SRRM4: variants seen among roughly 807,000 people sequenced by gnomAD.
SRRM4 encodes serine/arginine repetitive matrix 4.
A neutral mutation model predicts 68.9 loss-of-function variants in SRRM4; 33 were observed. The ratio of observed to expected loss-of-function variants is 0.48; its 90% CI spans 0.36 to 0.64. The LOEUF is 0.64. Among genes scored for constraint, SRRM4 ranks in the 30% least tolerant of loss-of-function variants. SRRM4 has a pLI of 0.00. For synonymous variants in SRRM4, 318 were observed against 318.8 expected, an observed-to-expected ratio of 1.00 and a Z score of 0.03; for missense variants, 817 against 827.1, an observed-to-expected ratio of 0.99 and a Z score of 0.15.
At chr12:119,030,346 C>G (rs1953580582) in intron 1 of SRRM4, among the ~76,000 whole-genome samples, 1 of 152,120 alleles carries the variant, frequency 6.6e-6, no homozygotes, top group Non-Finnish European at 1.5e-5. Flanking sequence ...TCACAGGGCA[C>G]CTCTAAACAC....
intron 1 of SRRM4, among the ~76,000 whole-genome samples, chr12:119,011,278 A>G (rs1953447389): frequency 1.3e-5 from 2 of 152,250 alleles, no homozygotes; most frequent in African/African-American, 2.4e-5. Flanking sequence ...TTAGATTTCT[A>G]TAGTCAGGTT....
intron 1 of SRRM4, among the ~76,000 whole-genome samples, chr12:119,078,307 G>A: frequency 6.6e-6 from 1 of 152,196 alleles, no homozygotes; most frequent in East Asian, 1.9e-4. Context: ...ATGGGGCAGA[G>A]ATACCACCTT....
chr12:119,013,634 G>T, intron 1 of SRRM4, among the ~76,000 whole-genome samples: 1 of 151,804 alleles, frequency 6.6e-6, no homozygotes, highest in East Asian at 1.9e-4. Context: ...TTGTATTTTG[G>T]ATTTTTAAAA....
At chr12:119,106,718 A>G (rs138930625) in intron 2 of SRRM4, among the ~76,000 whole-genome samples, 1 of 152,166 alleles carries the variant, frequency 6.6e-6, no homozygotes, top group Admixed American at 6.5e-5. Context: ...AGCTGAGACA[A>G]TGGGGTTTTA....
rs1039278907 is a variant in SRRM4, at chr12:119,130,577, C to G, written c.615-101C>G. The G allele has an allele frequency of 4.1e-6, 5 of 1,220,088 alleles. No individual in the cohort carries two copies. The African/African-American group carries it at 7.6e-5, about 19-fold the overall frequency. The allele number at this position is 1,220,088 out of a possible 1,614,324, so 75.6% of individuals were successfully genotyped here. On this transcript the variant is annotated intron_variant, in intron 7 of 12. Transcript: ENST00000267260. ...CACATATGAACATATACAAACACCC[C>G]CAAACACACTTTATCATCCTCAGAT...
intron 9 of SRRM4, 24 bp downstream of exon 9, chr12:119,145,709 G>T (rs776963073): frequency 2.0e-6 from 3 of 1,476,396 alleles, no homozygotes; most frequent in Non-Finnish European, 1.8e-6. Context: ...ACAGGGTCGG[G>T]GGTAGACGGT....
intron 1 of SRRM4, among the ~76,000 whole-genome samples, chr12:119,026,958 T>G (rs1349879557): frequency 6.6e-6 from 1 of 152,158 alleles, no homozygotes; most frequent in African/African-American, 2.4e-5. Flanking sequence ...CTGCAAATGT[T>G]TTAGGAATGG....
chr12:119,050,252 T>C (rs900651441), intron 1 of SRRM4, among the ~76,000 whole-genome samples: 1 of 152,230 alleles, frequency 6.6e-6, no homozygotes, highest in African/African-American at 2.4e-5. Flanking sequence ...AGGCATAACA[T>C]GGTTTTCAAC....
Position 119,130,792 on chromosome 12 carries a change from T to C in SRRM4, c.729T>C (p.Ser243=). The C allele has an allele frequency of 6.2e-7, 1 of 1,608,494 alleles. No individual in the cohort carries two copies. Among genetic ancestry groups the C allele is most frequent in the Non-Finnish European group, 8.5e-7 (1 of 1,179,768 alleles). Residue 243 remains serine, a synonymous_variant, in exon 8 of 13, where the codon AGT becomes AGC. Coordinates refer to ENST00000267260, the MANE Select transcript of SRRM4 (RefSeq NM_194286.4). ...AGGCCCAGTCCAGTCGCCCGCCCAG[T>C]CAACCCCTCCAGATGCTTGGCTACC... is the stretch of plus-strand genomic sequence containing the variant. The part of the protein sequence containing the change: ...SPEAQSSRPP[S]QPLQMLGYLS...
chr12:119,032,263 T>A lies in SRRM4; in HGVS notation c.131+50250T>A, dbSNP rs12821057. Among the ~76,000 whole-genome samples the A allele has an allele frequency of 2.3e-3, 354 of 152,302 alleles. 1 individual carries two copies. Among genetic ancestry groups the A allele is most frequent in the Non-Finnish European group, 3.6e-3 (248 of 68,014 alleles). ...ATGGTGTGTGGAAATACCAATCCTG[T>A]TATTTCAGTTTTCTGCATTAATTAG... On this transcript the variant is annotated intron_variant, in intron 1 of 12. Coordinates refer to ENST00000267260, the MANE Select transcript of SRRM4 (RefSeq NM_194286.4).
chr12:119,081,604 A>T (rs1211671196), intron 1 of SRRM4, among the ~76,000 whole-genome samples: 1 of 152,202 alleles, frequency 6.6e-6, no homozygotes, highest in African/African-American at 2.4e-5. Context: ...CTTTGACTGG[A>T]GCAGCACCAT....
At chr12:119,025,107 G>A (rs1333148155) in intron 1 of SRRM4, among the ~76,000 whole-genome samples, 1 of 152,172 alleles carries the variant, frequency 6.6e-6, no homozygotes, top group African/African-American at 2.4e-5. Context: ...ACCCTGGTGG[G>A]TGTGCATTAG....
At chr12:119,151,984 G>C (rs1954442261) in intron 10 of SRRM4, among the ~76,000 whole-genome samples, 1 of 152,194 alleles carries the variant, frequency 6.6e-6, no homozygotes, top group East Asian at 1.9e-4. Flanking sequence ...GACACTGGGA[G>C]AAGAAAAATT....
intron 1 of SRRM4, among the ~76,000 whole-genome samples, chr12:119,056,553 T>G (rs980587050): frequency 2.6e-5 from 4 of 152,174 alleles, no homozygotes; most frequent in Non-Finnish European, 5.9e-5. Context: ...TCTCTGATCT[T>G]ATCTTCTGCC....
At chr12:119,107,497 G>A (rs1954114617) in intron 2 of SRRM4, among the ~76,000 whole-genome samples, 1 of 152,112 alleles carries the variant, frequency 6.6e-6, no homozygotes, top group Non-Finnish European at 1.5e-5. Context: ...CAATTTCAGA[G>A]CCTGTTATTG....
Position 119,156,987 on chromosome 12 carries a change from C to T in SRRM4, c.*189C>T, listed in dbSNP as rs1377616080. 6.2e-6 allele frequency: 4 copies of T among 648,248 alleles called. No individual in the cohort carries two copies. Among genetic ancestry groups the T allele is most frequent in the African/African-American group, 5.5e-5 (3 of 54,172 alleles). The allele number at this position is 648,248 out of a possible 1,614,324, so 40.2% of individuals were successfully genotyped here. On this transcript the variant is annotated 3_prime_UTR_variant, in exon 13 of 13. Transcript: ENST00000267260. ...TAGATCAGCCTGCTAGGAGCCTCTA[C>T]CAGCATCATCCTGGGGCCCAGCTCA...
intron 1 of SRRM4, among the ~76,000 whole-genome samples, chr12:119,081,584 G>T (rs1021342879): frequency 2.6e-5 from 4 of 152,218 alleles, no homozygotes; most frequent in Admixed American, 6.5e-5. Context: ...TTAGGGAAGT[G>T]ATCAGAGGGC....
intron 2 of SRRM4, among the ~76,000 whole-genome samples, chr12:119,113,087 T>A (rs980174140): frequency 6.6e-6 from 1 of 152,192 alleles, no homozygotes; most frequent in Non-Finnish European, 1.5e-5. Flanking sequence ...TGACATCTGA[T>A]AATTTTTAAA....
intron 1 of SRRM4, among the ~76,000 whole-genome samples, chr12:119,026,904 C>T (rs979413493): frequency 2.6e-5 from 4 of 152,132 alleles, no homozygotes; most frequent in African/African-American, 4.8e-5. Context: ...CACAACACCT[C>T]GGGTGATCAG....
Sources: allele counts gnomAD v4.1 joint callset (sites outside exome capture counted in the v4.1 genomes callset), GRCh38; gene constraint gnomAD v4.1.1; transcripts MANE v1.5; gene names NCBI Gene and HGNC (gene_info 2026-07-23, HGNC 2026-07-21).